GXYLT1: variants seen among roughly 807,000 people sequenced by gnomAD.
The protein encoded by GXYLT1 is glycosyltransferase 8 domain containing 3.
A neutral mutation model predicts 54.0 loss-of-function variants in GXYLT1; 29 were observed. The observed-to-expected ratio is 0.54, with a 90% confidence interval of 0.40 to 0.73. GXYLT1 has a LOEUF of 0.73. GXYLT1 is among the 30% of genes least tolerant of loss of function. GXYLT1 has a pLI of 0.00. For synonymous variants in GXYLT1, 176 were observed against 204.1 expected (o/e 0.86, Z 1.17); for missense variants, 490 against 553.4 (o/e 0.89, Z 1.15).
intron 1 of GXYLT1, among the ~76,000 whole-genome samples, chr12:42,135,690 A>T (rs779747832): frequency 6.6e-6 from 1 of 152,244 alleles, no homozygotes; most frequent in Non-Finnish European, 1.5e-5. Flanking sequence ...TATGCCAAAA[A>T]GAAAGCCAGA....
intron 2 of GXYLT1, among the ~76,000 whole-genome samples, chr12:42,128,366 TAC>T (rs1435980864): frequency 6.6e-6 from 1 of 152,182 alleles, no homozygotes. Context: ...GCCCCATAAA[TAC>T]ATAGAATTAT....
At chr12:42,099,742 TG>T (rs1355803353) in intron 5 of GXYLT1, among the ~76,000 whole-genome samples, 6 of 152,198 alleles carry the variant, frequency 3.9e-5, no homozygotes, top group African/African-American at 1.4e-4. Context: ...CCCAGCTACT[TG>T]GAAGGCTGAG....
chr12:42,101,839 TGG>T (rs2065391938), intron 5 of GXYLT1, among the ~76,000 whole-genome samples: 1 of 152,152 alleles, frequency 6.6e-6, no homozygotes, highest in Non-Finnish European at 1.5e-5. Context: ...CCCAAAGTGC[TGG>T]GATTACAGGC....
chr12:42,140,289 A>C (rs959734818), intron 1 of GXYLT1, among the ~76,000 whole-genome samples: 3 of 151,128 alleles, frequency 2.0e-5, no homozygotes, highest in Non-Finnish European at 2.9e-5. Flanking sequence ...GCTGGAGCAC[A>C]TATCTAAAAC....
At chr12:42,135,605 C>T in intron 1 of GXYLT1, among the ~76,000 whole-genome samples, 1 of 152,172 alleles carries the variant, frequency 6.6e-6, no homozygotes, top group East Asian at 1.9e-4. Context: ...TATATCCATA[C>T]AATGGACTAT....
chr12:42,132,428 G>T (rs1166090598), intron 1 of GXYLT1, among the ~76,000 whole-genome samples: 3 of 152,152 alleles, frequency 2.0e-5, no homozygotes, highest in Non-Finnish European at 4.4e-5. Flanking sequence ...TTGAAAATTT[G>T]TGTTTCTACG....
chr12:42,105,469 C>A (rs891742334), intron 5 of GXYLT1, among the ~76,000 whole-genome samples: 1 of 152,106 alleles, frequency 6.6e-6, no homozygotes, highest in Non-Finnish European at 1.5e-5. Context: ...CATGTTGTCC[C>A]TAAGGTATAT....
At chr12:42,104,287 C>CTAAG (rs1474370837) in intron 5 of GXYLT1, among the ~76,000 whole-genome samples, 3 of 151,346 alleles carry the variant, frequency 2.0e-5, no homozygotes, top group Non-Finnish European at 4.4e-5. Context: ...CTTACAGCAC[C>CTAAG]ATCTTCTGGT....
Position 42,082,646 on chromosome 12 carries a change from T to C in GXYLT1, c.*5140A>G, listed in dbSNP as rs1396331226. 1 of 152,144 alleles carries C rather than the reference T, an allele frequency of 6.6e-6. No homozygotes were observed. The highest frequency in any genetic ancestry group is 1.5e-5 in the Non-Finnish European group (1 of 68,038). The allele number at this position is 152,144 out of a possible 1,614,324, so 9.4% of individuals were successfully genotyped here. A position where few individuals can be genotyped will look rare whatever the true frequency, so the allele number is the denominator to read the frequency against. Reference sequence around the variant, plus strand: ...GGCAAACACCACCACATCTGGATAATTTTTTAATTTTTTTGTAGAGATGGG... The same window carrying C: ...GGCAAACACCACCACATCTGGATAACTTTTTAATTTTTTTGTAGAGATGGG... On this transcript the variant is annotated 3_prime_UTR_variant, in exon 8 of 8. Transcript: ENST00000398675.
chr12:42,115,469 A>G (rs2136901506), intron 3 of GXYLT1, among the ~76,000 whole-genome samples: 1 of 152,354 alleles, frequency 6.6e-6, no homozygotes, highest in Non-Finnish European at 1.5e-5. Flanking sequence ...AATCACAAGC[A>G]TTCTTATACA....
At position 42,085,461 on chromosome 12, in the gene GXYLT1, A is replaced by T. The variant is rs1340532046; in HGVS notation, c.*2325T>A. ...GAAATTTTATCTTATCAAACTTACT[A>T]ATATAAATTCATATCCTGTCATTAA... On this transcript the variant is annotated 3_prime_UTR_variant, in exon 8 of 8. Transcript: ENST00000398675. 7 of 152,300 alleles carry T rather than the reference A, an allele frequency of 4.6e-5. No individual in the cohort carries two copies. Among genetic ancestry groups the T allele is most frequent in the Non-Finnish European group, 1.0e-4 (7 of 68,056 alleles). 9.4% of individuals were successfully genotyped at this position (152,300 alleles called of 1,614,324 possible).
intron 1 of GXYLT1, among the ~76,000 whole-genome samples, chr12:42,137,911 C>T (rs537249451): frequency 1.3e-4 from 20 of 152,232 alleles, no homozygotes; most frequent in Admixed American, 5.2e-4. Flanking sequence ...AAGATGCTTA[C>T]GGACACATTA....
In GXYLT1 at chr12:42,129,758, C is replaced by G; in HGVS notation, c.314+1G>C. 6.2e-7 allele frequency: 1 copy of G among 1,608,032 alleles called. No homozygotes were observed. Among genetic ancestry groups the G allele is most frequent in the Non-Finnish European group, 8.5e-7 (1 of 1,174,650 alleles). On this transcript the variant is annotated splice_donor_variant, in intron 2 of 7. Coordinates refer to ENST00000398675, the MANE Select transcript of GXYLT1 (RefSeq NM_173601.2). LOFTEE classifies it high-confidence loss of function. ...CTACCAATTAAATATTAAGTGCCTA[C>G]CTAAAAGCCGCTTCCCAAAAGCAGT... is the stretch of plus-strand genomic sequence containing the variant.
chr12:42,129,500 C>T (rs1422637643), intron 2 of GXYLT1, among the ~76,000 whole-genome samples: 1 of 151,940 alleles, frequency 6.6e-6, no homozygotes, highest in Non-Finnish European at 1.5e-5. Flanking sequence ...TCAACTGTTA[C>T]CAAAAGTTAG....
At position 42,083,798 on chromosome 12, in the gene GXYLT1, T is replaced by C. The variant is rs991087090; in HGVS notation, c.*3988A>G. The stretch of plus-strand genomic sequence containing the variant: ...TCTCGTCAGTATCATCTGCGAAAAC[T>C]GCTGCAACACATTCCTTGGCCCCCT... On this transcript the variant is annotated 3_prime_UTR_variant, in exon 8 of 8. Coordinates refer to ENST00000398675, the MANE Select transcript of GXYLT1 (RefSeq NM_173601.2). The C allele has an allele frequency of 4.6e-5, 7 of 152,226 alleles. No individual in the cohort carries two copies. Among genetic ancestry groups the C allele is most frequent in the African/African-American group, 1.7e-4 (7 of 41,468 alleles). The allele number at this position is 152,226 out of a possible 1,614,324, so 9.4% of individuals were successfully genotyped here. A position where few individuals can be genotyped will look rare whatever the true frequency, so the allele number is the denominator to read the frequency against.
At chr12:42,120,178 T>TC (rs1372738467) in intron 2 of GXYLT1, among the ~76,000 whole-genome samples, 4 of 152,102 alleles carry the variant, frequency 2.6e-5, no homozygotes, top group African/African-American at 9.7e-5. Flanking sequence ...ATGAAACCTC[T>TC]CCCCATACCA....
chr12:42,093,563 C>T lies in GXYLT1; in HGVS notation c.1161+3879G>A, dbSNP rs573809948. ...GCACCTTTATAATTAAAATAGTGTG[C>T]TATTAGTGTACAAATGAACTGACCA... On this transcript the variant is annotated intron_variant, in intron 7 of 7. Transcript: ENST00000398675. 7.7e-4 allele frequency among the ~76,000 whole-genome samples: 117 copies of T among 152,096 alleles called. 1 individual carries two copies. Among genetic ancestry groups the T allele is most frequent in the Non-Finnish European group, 1.4e-3 (98 of 68,018 alleles).
At chr12:42,118,198 A>C (rs2065508494) in intron 3 of GXYLT1, among the ~76,000 whole-genome samples, 1 of 152,252 alleles carries the variant, frequency 6.6e-6, no homozygotes, top group Admixed American at 6.5e-5. Flanking sequence ...ATACAAAACC[A>C]AAATAAATAA....
chr12:42,103,989 C>G (rs1026257501), intron 5 of GXYLT1, among the ~76,000 whole-genome samples: 1 of 152,120 alleles, frequency 6.6e-6, no homozygotes, highest in Admixed American at 6.5e-5. Context: ...TGGCTCACGC[C>G]TATAAACCCA....
Sources: allele counts gnomAD v4.1 joint callset (sites outside exome capture counted in the v4.1 genomes callset), GRCh38; gene constraint gnomAD v4.1.1; transcripts MANE v1.5; gene names NCBI Gene and HGNC (gene_info 2026-07-23, HGNC 2026-07-21).